Variants in DTL observed in about 807,000 individuals in gnomAD.
DTL encodes denticleless E3 ubiquitin protein ligase adapter.
In DTL, 46 loss-of-function variants were observed where a neutral mutation model predicts 87.0. That is an observed-to-expected ratio of 0.53 (90% CI 0.42 to 0.68). The LOEUF (loss-of-function observed/expected upper bound fraction) is 0.68. Among genes scored for constraint, DTL ranks in the 30% least tolerant of loss-of-function variants. DTL has a pLI of 0.00. For missense variants in DTL, 737 were observed against 869.4 expected, an observed-to-expected ratio of 0.85 and a Z score of 1.91; for synonymous variants, 308 against 311.2, an observed-to-expected ratio of 0.99 and a Z score of 0.11.
At chr1:212,068,574 G>C (rs1260599829) in intron 9 of DTL, 25 bp from the exon 10 acceptor site, 1 of 1,457,298 alleles carries the variant, frequency 6.9e-7, no homozygotes, top group Non-Finnish European at 9.6e-7. Context: ...ATCAGGACGT[G>C]CTAACTTAAG....
At chr1:212,068,809 A>G in intron 10 of DTL, 106 bp downstream of exon 10, 2 of 655,642 alleles carry the variant, frequency 3.1e-6, no homozygotes, top group Non-Finnish European at 5.2e-6. Context: ...ATTAAGCCAT[A>G]TGAGGACTTT....
At chr1:212,098,941 A>G (rs895711797) in intron 13 of DTL, among the ~76,000 whole-genome samples, 2 of 152,098 alleles carry the variant, frequency 1.3e-5, no homozygotes, top group Middle Eastern at 3.4e-3. Flanking sequence ...GCCCAGGAAA[A>G]TTCACGCTCA....
chr1:212,040,145 C>A (rs563320987), intron 1 of DTL, among the ~76,000 whole-genome samples: 3 of 152,140 alleles, frequency 2.0e-5, no homozygotes, highest in Non-Finnish European at 4.4e-5. Flanking sequence ...TATTTTATTT[C>A]TTCATATTCT....
chr1:212,074,827 T>G (rs903104903), intron 11 of DTL, among the ~76,000 whole-genome samples: 2 of 152,174 alleles, frequency 1.3e-5, no homozygotes, highest in African/African-American at 4.8e-5. Context: ...AAGGGAGTTT[T>G]GTATCTTAAG....
chr1:212,101,372 A>G (rs1655620975), intron 14 of DTL, among the ~76,000 whole-genome samples: 1 of 152,152 alleles, frequency 6.6e-6, no homozygotes, highest in Non-Finnish European at 1.5e-5. Context: ...CCCTCCTGTC[A>G]GGGTCCATAC....
chr1:212,101,779 T>C (rs1195775888), intron 14 of DTL, among the ~76,000 whole-genome samples: 3 of 152,212 alleles, frequency 2.0e-5, no homozygotes, highest in Non-Finnish European at 4.4e-5. Context: ...AATTAGATAA[T>C]ATCAGTCATC....
At chr1:212,053,496 A>G (rs1049185967) in intron 5 of DTL, among the ~76,000 whole-genome samples, 1 of 151,882 alleles carries the variant, frequency 6.6e-6, no homozygotes, top group African/African-American at 2.4e-5. Context: ...GCTGACCTTC[A>G]TTTGTTTGTT....
chr1:212,086,449 A>G (rs1173303689), intron 13 of DTL, among the ~76,000 whole-genome samples: 1 of 152,212 alleles, frequency 6.6e-6, no homozygotes, highest in Non-Finnish European at 1.5e-5. Context: ...ATTCTTTTTA[A>G]CAGAACCATA....
rs1188130556 is a variant in DTL, at chr1:212,100,657, A to G, written c.1667A>G (p.Asp556Gly). 6.2e-7 allele frequency: 1 copy of G among 1,614,056 alleles called. No homozygotes were observed. The highest frequency in any genetic ancestry group is 1.1e-5 in the South Asian group (1 of 91,078). ...AGAAATAGAGTAAAGAGGAGGCTAG[A>G]CTCAAGCTGTCTGGAGAGTGTGAAA... ...ESRNRVKRRL[D>G]SSCLESVKQK... The change falls in exon 14 of 15, where the codon GAC (aspartate) becomes GGC (glycine). Residue 556 changes from aspartate (D) to glycine (G), a missense_variant. Transcript: ENST00000366991.
intron 1 of DTL, among the ~76,000 whole-genome samples, chr1:212,037,316 A>G (rs1281263758): frequency 6.6e-6 from 1 of 152,196 alleles, no homozygotes; most frequent in African/African-American, 2.4e-5. Flanking sequence ...ATTCGTTATT[A>G]TATGAAATCT....
At chr1:212,041,141 A>C (rs1056447993) in intron 1 of DTL, among the ~76,000 whole-genome samples, 3 of 152,220 alleles carry the variant, frequency 2.0e-5, no homozygotes, top group Non-Finnish European at 4.4e-5. Flanking sequence ...TAACACAATA[A>C]GGATCCAAAA....
chr1:212,035,880 C>G lies in DTL; in HGVS notation c.-11C>G, dbSNP rs759790328. 7.4e-6 allele frequency: 12 copies of G among 1,614,110 alleles called. No homozygotes were observed. Among genetic ancestry groups the G allele is most frequent in the Non-Finnish European group, 1.0e-5 (12 of 1,179,972 alleles). On this transcript the variant is annotated 5_prime_UTR_variant, in exon 1 of 15. Transcript: ENST00000366991. ...ACTTTTCTCTCAGCTGAGGCTTTTC[C>G]TCCGACCCTGATGCTCTTCAATTCG...
chr1:212,061,547 T>C (rs1654312408), intron 5 of DTL, among the ~76,000 whole-genome samples: 1 of 151,772 alleles, frequency 6.6e-6, no homozygotes. Context: ...AGTCTCATTA[T>C]TGGGTATTGA....
Position 212,074,878 on chromosome 1 carries a change from A to G in DTL, c.1035+2665A>G, listed in dbSNP as rs11119842. 8.0e-3 allele frequency among the ~76,000 whole-genome samples: 1,215 copies of G among 152,338 alleles called. 17 individuals carry two copies. Among genetic ancestry groups the G allele is most frequent in the African/African-American group, 0.027 (1,142 of 41,570 alleles). On this transcript the variant is annotated intron_variant, in intron 11 of 14. Coordinates refer to ENST00000366991, the MANE Select transcript of DTL (RefSeq NM_016448.4). ...CTCTTAATCCTCACTACTGCCCAGC[A>G]AAGAGGAAATATAATATATTCGGGC...
chr1:212,041,164 G>T (rs1337102274), intron 1 of DTL, among the ~76,000 whole-genome samples: 2 of 152,144 alleles, frequency 1.3e-5, no homozygotes, highest in Non-Finnish European at 2.9e-5. Context: ...AGCTTAGGGT[G>T]GTTCATCAGT....
intron 1 of DTL, among the ~76,000 whole-genome samples, chr1:212,041,589 T>A (rs931238277): frequency 2.0e-5 from 3 of 152,032 alleles, no homozygotes; most frequent in Non-Finnish European, 4.4e-5. Context: ...CGCGGCACGC[T>A]CCGCCTCCCA....
chr1:212,092,909 C>G (rs2102580696), intron 13 of DTL, among the ~76,000 whole-genome samples: 1 of 152,244 alleles, frequency 6.6e-6, no homozygotes, highest in South Asian at 2.1e-4. Context: ...TCCCTTTCCA[C>G]CACATCCACC....
intron 1 of DTL, among the ~76,000 whole-genome samples, chr1:212,037,392 T>C (rs1320077210): frequency 6.6e-6 from 1 of 152,228 alleles, no homozygotes; most frequent in African/African-American, 2.4e-5. Context: ...TTCTTCTACC[T>C]ACTCCTTTGG....
intron 5 of DTL, among the ~76,000 whole-genome samples, chr1:212,048,951 C>CT (rs1460121432): frequency 6.6e-6 from 1 of 152,000 alleles, no homozygotes; most frequent in East Asian, 1.9e-4. Flanking sequence ...GAGACAAAGT[C>CT]TCACTCTGTT....
Sources: allele counts gnomAD v4.1 joint callset (sites outside exome capture counted in the v4.1 genomes callset), GRCh38; gene constraint gnomAD v4.1.1; transcripts MANE v1.5; gene names NCBI Gene and HGNC (gene_info 2026-07-23, HGNC 2026-07-21).